The following FAM184B variants were observed in gnomAD, a reference collection of about 807,000 sequenced individuals.
FAM184B encodes the protein protein FAM184B.
FAM184B carries 111 observed loss-of-function variants against 135.9 expected under a neutral mutation model. The ratio of observed to expected loss-of-function variants is 0.82; its 90% CI spans 0.70 to 0.96. The LOEUF (loss-of-function observed/expected upper bound fraction) is 0.96. Among genes scored for constraint, FAM184B ranks in the 40% least tolerant of loss-of-function variants. FAM184B has a pLI of 0.00. For missense variants in FAM184B, 1,375 were observed against 1,323.9 expected (o/e 1.04, Z -0.60); for synonymous variants, 552 against 524.8 (o/e 1.05, Z -0.71).
rs948819436 is a variant in FAM184B at position 17,729,322 on chromosome 4, C to T, written c.142-19678G>A. Among the ~76,000 whole-genome samples, 51 of 152,208 alleles carry T rather than the reference C, an allele frequency of 3.4e-4. 1 individual carries two copies. Among genetic ancestry groups the T allele is most frequent in the South Asian group, 1.0e-3 (5 of 4,836 alleles). On this transcript the variant is annotated intron_variant, in intron 1 of 17. Transcript: ENST00000265018. Reference sequence around the variant, plus strand: ...CCTCTGTAGGCTCCACCTCTGGGGGCGGGGCACAGACAAACAAAAAGACAG... The same window carrying T: ...CCTCTGTAGGCTCCACCTCTGGGGGTGGGGCACAGACAAACAAAAAGACAG...
Position 17,631,883 on chromosome 4 carries a change from A to G in FAM184B, c.*649T>C, listed in dbSNP as rs1714955156. 6.6e-6 allele frequency: 1 copy of G among 152,206 alleles called. No individual in the cohort carries two copies. The highest frequency in any genetic ancestry group is 1.5e-5 in the Non-Finnish European group (1 of 68,040). 9.4% of individuals were successfully genotyped at this position (152,206 alleles called of 1,614,324 possible). On this transcript the variant is annotated 3_prime_UTR_variant, in exon 18 of 18. Transcript: ENST00000265018. Reference sequence around the variant, plus strand: ...GGAGTTGACTAGCATCCTAAGGACAAGTACAACCACTTTTGAAATAGATCA... The same window carrying G: ...GGAGTTGACTAGCATCCTAAGGACAGGTACAACCACTTTTGAAATAGATCA...
intron 5 of FAM184B, among the ~76,000 whole-genome samples, chr4:17,699,895 A>G (rs1364273466): frequency 6.6e-6 from 1 of 152,124 alleles, no homozygotes; most frequent in East Asian, 1.9e-4. Flanking sequence ...ATAAAATACA[A>G]TATATAACAA....
intron 13 of FAM184B, among the ~76,000 whole-genome samples, chr4:17,640,336 TA>T (rs1715273418): frequency 6.9e-6 from 1 of 145,470 alleles, no homozygotes; most frequent in Non-Finnish European, 1.5e-5. Context: ...AAAAAAAAAT[TA>T]GCTGGGCATG....
intron 2 of FAM184B, among the ~76,000 whole-genome samples, 166 bp downstream of exon 2, chr4:17,708,714 CTGTGTGTGTGTG>C (rs71167327): frequency 8.8e-5 from 5 of 57,080 alleles, no homozygotes; most frequent in East Asian, 6.2e-4. Context: ...TATATAGTGT[CTGTGTGTGTGTG>C]TGTGTGTGTG....
chr4:17,703,887 C>CAA (rs1171196654), intron 5 of FAM184B, among the ~76,000 whole-genome samples: 1,574 of 147,536 alleles, frequency 0.011, 21 homozygotes, highest in South Asian at 0.027. Context: ...GCCGAGATTG[C>CAA]GTCACTGCAC....
At chr4:17,710,817 G>T (rs1013468356) in intron 1 of FAM184B, among the ~76,000 whole-genome samples, 1 of 152,212 alleles carries the variant, frequency 6.6e-6, no homozygotes, top group African/African-American at 2.4e-5. Context: ...AAAAACTGTA[G>T]GTAGAACAGG....
chr4:17,633,352 T>G (rs1383326905), intron 17 of FAM184B: 2 of 191,436 alleles, frequency 1.0e-5, no homozygotes, highest in African/African-American at 4.6e-5. Flanking sequence ...GATTAATTCC[T>G]TTAGTCTCAC....
chr4:17,696,026 C>T (rs933407997), intron 5 of FAM184B, among the ~76,000 whole-genome samples: 1 of 152,150 alleles, frequency 6.6e-6, no homozygotes, highest in African/African-American at 2.4e-5. Flanking sequence ...AGCAGCTCTC[C>T]TAGGCTGTCA....
chr4:17,673,796 A>G (rs964499374), intron 7 of FAM184B, among the ~76,000 whole-genome samples: 3 of 151,642 alleles, frequency 2.0e-5, no homozygotes, highest in Non-Finnish European at 4.4e-5. Flanking sequence ...GGGATAAAAG[A>G]CTACAAACTG....
At chr4:17,661,500 C>T (rs1481371034) in intron 8 of FAM184B, among the ~76,000 whole-genome samples, 4 of 151,860 alleles carry the variant, frequency 2.6e-5, no homozygotes, top group Non-Finnish European at 4.4e-5. Context: ...TGCAGCGAGC[C>T]GAGATCACAC....
intron 1 of FAM184B, among the ~76,000 whole-genome samples, chr4:17,755,012 C>T (rs1718387278): frequency 6.6e-6 from 1 of 152,020 alleles, no homozygotes; most frequent in Non-Finnish European, 1.5e-5. Flanking sequence ...AGGTGTGAAC[C>T]ACCACACCTG....
At chr4:17,759,900 A>C (rs566265076) in intron 1 of FAM184B, among the ~76,000 whole-genome samples, 1 of 152,272 alleles carries the variant, frequency 6.6e-6, no homozygotes, top group East Asian at 1.9e-4. Flanking sequence ...TCTACAGGCC[A>C]AGGTGGGTAC....
intron 1 of FAM184B, among the ~76,000 whole-genome samples, chr4:17,713,512 T>C (rs1217609476): frequency 6.6e-6 from 1 of 152,248 alleles, no homozygotes; most frequent in Non-Finnish European, 1.5e-5. Flanking sequence ...CTATAATTTA[T>C]GTTAATAACA....
chr4:17,634,267 TA>T (rs1485683006), intron 16 of FAM184B, among the ~76,000 whole-genome samples: 2 of 152,228 alleles, frequency 1.3e-5, no homozygotes, highest in African/African-American at 2.4e-5. Context: ...ACATAAAAAC[TA>T]CACGAGATGA....
intron 12 of FAM184B, 81 bp downstream of exon 12, chr4:17,647,556 C>G: frequency 5.5e-6 from 8 of 1,467,454 alleles, no homozygotes; most frequent in Non-Finnish European, 7.3e-6. Context: ...GCCTCAGAGC[C>G]CATCCTTTAT....
At chr4:17,708,709 A>ATATATATG (rs3066655) in intron 2 of FAM184B, among the ~76,000 whole-genome samples, 183 bp downstream of exon 2, 6 of 38,858 alleles carry the variant, frequency 1.5e-4, no homozygotes, top group African/African-American at 3.0e-4. Flanking sequence ...ATATATATAT[A>ATATATATG]GTGTCTGTGT....
At chr4:17,677,346 C>A (rs940718937) in intron 7 of FAM184B, among the ~76,000 whole-genome samples, 1 of 152,204 alleles carries the variant, frequency 6.6e-6, no homozygotes, top group Non-Finnish European at 1.5e-5. Context: ...CTGCACCCAG[C>A]CTGAATGAGC....
At position 17,709,083 on chromosome 4, in the gene FAM184B, C is replaced by T. The variant is rs1182993027; in HGVS notation, c.703G>A (p.Ala235Thr). 8 of 1,550,028 alleles carry T rather than the reference C, an allele frequency of 5.2e-6. No individual in the cohort carries two copies. Among genetic ancestry groups the T allele is most frequent in the Admixed American group, 2.0e-5 (1 of 50,992 alleles). The change falls in exon 2 of 18, where the codon GCC becomes ACC. Residue 235 changes from alanine to threonine, a missense_variant. Coordinates refer to ENST00000265018, the MANE Select transcript of FAM184B (RefSeq NM_015688.2). ...YERENEAIRQ[A>T]MQQSVSQALW... ...GCCTGGCTCACCGACTGCTGCATGG[C>T]CTGCCGGATGGCCTCGTTTTCCCTC...
At chr4:17,745,676 T>C (rs1478478056) in intron 1 of FAM184B, among the ~76,000 whole-genome samples, 1 of 152,172 alleles carries the variant, frequency 6.6e-6, no homozygotes, top group Non-Finnish European at 1.5e-5. Context: ...CAGATATTTC[T>C]CCCAATAAAT....
Sources: allele counts gnomAD v4.1 joint callset (sites outside exome capture counted in the v4.1 genomes callset), GRCh38; gene constraint gnomAD v4.1.1; transcripts MANE v1.5; gene names NCBI Gene and HGNC (gene_info 2026-07-23, HGNC 2026-07-21).